The following CTNNA2 variants were observed in gnomAD, a reference collection of about 807,000 sequenced individuals.
CTNNA2 encodes catenin alpha-2.
CTNNA2 carries 42 observed loss-of-function variants against 101.0 expected under a neutral mutation model. The observed-to-expected ratio is 0.42, with a 90% CI of 0.32 to 0.54. CTNNA2 has a LOEUF of 0.54. CTNNA2 is among the 20% of genes least tolerant of loss of function. The probability of loss-of-function intolerance (pLI) is 0.14; values close to 1 mark genes in which losing one functional copy is unlikely to be tolerated. For synonymous variants in CTNNA2, 450 were observed against 456.4 expected (o/e 0.99, Z 0.18); for missense variants, 871 against 1,223.1 (o/e 0.71, Z 4.29).
In CTNNA2 at chr2:79,832,325, C is replaced by T. The variant is rs554852572; in HGVS notation, c.299-25688C>T. Among the ~76,000 whole-genome samples the T allele has an allele frequency of 8.5e-5, 13 of 152,304 alleles. No individual in the cohort carries two copies. In the South Asian group the frequency reaches 2.7e-3, roughly 32 times the overall value. ...AATATTCTGACTTGGATTGTGGCCT[C>T]TCTGATTTTATAAAGCATTTACTAA... On this transcript the variant is annotated intron_variant, in intron 3 of 18. Coordinates refer to ENST00000402739, the MANE Select transcript of CTNNA2 (RefSeq NM_001282597.3).
chr2:79,286,309 G>A lies in CTNNA2; in HGVS notation c.-405-26400G>A, dbSNP rs1030034503. ...TGATCTGTCATTATGATGTTAGCTG[G>A]TTATTTTGCTCGTTAGTTCATGCGG... On this transcript the variant is annotated intron_variant, in intron 2 of 21. Coordinates refer to the CTNNA2 transcript ENST00000466387. 5.3e-4 allele frequency among the ~76,000 whole-genome samples: 81 copies of A among 152,272 alleles called. No homozygotes were observed. The Middle Eastern group carries it at 0.014, about 26-fold the overall frequency.
At chr2:79,457,044 CA>C (rs201720766) in intron 4 of CTNNA2, among the ~76,000 whole-genome samples, 1 of 151,442 alleles carries the variant, frequency 6.6e-6, no homozygotes, top group African/African-American at 2.4e-5. Flanking sequence ...TACTAAAATA[CA>C]AAAAAAATTA....
chr2:79,195,666 C>A (rs1183900236), intron 1 of CTNNA2, among the ~76,000 whole-genome samples: 1 of 152,088 alleles, frequency 6.6e-6, no homozygotes, highest in Admixed American at 6.6e-5. Flanking sequence ...CTTTCACAGC[C>A]CAGGGACCTT....
In CTNNA2 at chr2:80,545,078, A is replaced by G. The variant is rs775530065; in HGVS notation, c.1383+4A>G. 5 of 1,613,346 alleles carry G rather than the reference A, an allele frequency of 3.1e-6. No homozygotes were observed. The East Asian group carries it at 1.1e-4, about 36-fold the overall frequency. ...GATTGACAGCCTGTGTCCCCAGGTAAGCCTCATTCACTTTGTTTCAAAAGC... is the reference window on the plus strand; with the variant it reads ...GATTGACAGCCTGTGTCCCCAGGTAGGCCTCATTCACTTTGTTTCAAAAGC... On this transcript the variant is annotated splice_donor_region_variant and intron_variant, in intron 10 of 18. Transcript: ENST00000402739.
intron 3 of CTNNA2, among the ~76,000 whole-genome samples, chr2:79,349,829 G>C (rs1242271272): frequency 6.6e-6 from 1 of 152,078 alleles, no homozygotes; most frequent in Non-Finnish European, 1.5e-5. Context: ...TCAATAGTCT[G>C]CATATTGCTT....
intron 4 of CTNNA2, among the ~76,000 whole-genome samples, chr2:79,503,984 C>T (rs149101287): frequency 3.0e-4 from 45 of 152,158 alleles, no homozygotes; most frequent in East Asian, 5.8e-4. Context: ...TTTCCTGAAG[C>T]GCTCTAAAGT....
intron 7 of CTNNA2, among the ~76,000 whole-genome samples, chr2:80,310,354 A>ACCTTCATAGGTACTAT (rs1302699383): frequency 6.6e-6 from 1 of 152,244 alleles, no homozygotes; most frequent in East Asian, 1.9e-4. Flanking sequence ...CAGGCAGTGT[A>ACCTTCATAGGTACTAT]GAGCCTTCAT....
At chr2:79,227,794 C>T (rs1383824270) in intron 2 of CTNNA2, among the ~76,000 whole-genome samples, 8 of 152,050 alleles carry the variant, frequency 5.3e-5, no homozygotes, top group East Asian at 1.9e-4. Context: ...AGGGTACACA[C>T]GCAGATTTGT....
At chr2:80,396,879 G>A (rs1411389797) in intron 8 of CTNNA2, among the ~76,000 whole-genome samples, 1 of 152,188 alleles carries the variant, frequency 6.6e-6, no homozygotes, top group Non-Finnish European at 1.5e-5. Flanking sequence ...GAGATTTAGT[G>A]AGTGTCAACC....
At chr2:80,082,007 G>A (rs904729546) in intron 7 of CTNNA2, among the ~76,000 whole-genome samples, 1 of 152,062 alleles carries the variant, frequency 6.6e-6, no homozygotes, top group Non-Finnish European at 1.5e-5. Flanking sequence ...TTTGAGTGCT[G>A]GGTGATTATA....
Position 80,225,458 on chromosome 2 carries a change from G to A in CTNNA2, c.1057-167753G>A, listed in dbSNP as rs142343152. Among the ~76,000 whole-genome samples, 951 of 152,174 alleles carry A rather than the reference G, an allele frequency of 6.2e-3. 14 individuals are homozygous for A. Among genetic ancestry groups the A allele is most frequent in the African/African-American group, 0.022 (899 of 41,504 alleles). ...GGCTGCAAATCATGAAATCAGCACC[G>A]AGTTGGCCATAAAAAATGAAAGTTT... On this transcript the variant is annotated intron_variant, in intron 7 of 18. Coordinates refer to ENST00000402739, the MANE Select transcript of CTNNA2 (RefSeq NM_001282597.3).
chr2:80,188,944 CTTTTTTTTTT>C (rs34090029), intron 7 of CTNNA2, among the ~76,000 whole-genome samples: 1 of 74,686 alleles, frequency 1.3e-5, no homozygotes, highest in African/African-American at 6.1e-5. Context: ...CAGGTGGTCA[CTTTTTTTTTT>C]TTTTTTTTTT....
At chr2:80,357,162 T>C (rs1283445926) in intron 7 of CTNNA2, among the ~76,000 whole-genome samples, 1 of 151,716 alleles carries the variant, frequency 6.6e-6, no homozygotes, top group African/African-American at 2.4e-5. Context: ...CCATGGTACC[T>C]GTTCATCACC....
intron 7 of CTNNA2, among the ~76,000 whole-genome samples, chr2:80,184,357 A>G (rs1198847540): frequency 6.6e-6 from 1 of 152,192 alleles, no homozygotes; most frequent in Non-Finnish European, 1.5e-5. Context: ...TAATACTAAC[A>G]TTAAGCTTGT....
chr2:80,388,412 C>T (rs890731766), intron 7 of CTNNA2, among the ~76,000 whole-genome samples: 6 of 152,168 alleles, frequency 3.9e-5, no homozygotes, highest in Non-Finnish European at 5.9e-5. Context: ...CACTTAGCCA[C>T]GTTTTAGAGA....
intron 4 of CTNNA2, 78 bp downstream of exon 4, chr2:79,858,257 A>T: frequency 8.5e-7 from 1 of 1,169,910 alleles, no homozygotes; most frequent in Non-Finnish European, 1.2e-6. Context: ...TCTGGCCTCT[A>T]CTCTAGATGT....
At chr2:80,118,700 T>G (rs751047507) in intron 7 of CTNNA2, among the ~76,000 whole-genome samples, 4 of 152,272 alleles carry the variant, frequency 2.6e-5, no homozygotes, top group Non-Finnish European at 5.9e-5. Flanking sequence ...GGAAATTTGC[T>G]ATTTTTCCTT....
intron 6 of CTNNA2, among the ~76,000 whole-genome samples, chr2:79,906,724 A>C: frequency 6.6e-6 from 1 of 152,298 alleles, no homozygotes; most frequent in South Asian, 2.1e-4. Context: ...CATTTCCCAA[A>C]GTGTGTTCCT....
chr2:79,616,626 C>T (rs1320722794), intron 1 of CTNNA2, among the ~76,000 whole-genome samples: 1 of 152,180 alleles, frequency 6.6e-6, no homozygotes, highest in Non-Finnish European at 1.5e-5. Context: ...TTCACCTACT[C>T]ATGCCTGCCT....
Sources: allele counts gnomAD v4.1 joint callset (sites outside exome capture counted in the v4.1 genomes callset), GRCh38; gene constraint gnomAD v4.1.1; transcripts MANE v1.5; gene names NCBI Gene and HGNC (gene_info 2026-07-23, HGNC 2026-07-21).